Variants in CRIM1 observed in about 807,000 individuals in gnomAD.
CRIM1 encodes cysteine rich transmembrane BMP regulator 1, also known as cysteine-rich motor neuron 1 protein.
In CRIM1, 32 loss-of-function variants were observed where a neutral mutation model predicts 116.4. That is an observed-to-expected ratio of 0.27 (90% CI 0.21 to 0.37). The LOEUF is 0.37. Ranked by LOEUF, CRIM1 falls within the 10% of genes least tolerant of loss-of-function variation. CRIM1 has a pLI of 1.00. For missense variants in CRIM1, 1,331 were observed against 1,354.8 expected (o/e 0.98, Z 0.28); for synonymous variants, 590 against 509.2 (o/e 1.16, Z -2.13).
intron 8 of CRIM1, 50 bp downstream of exon 8, chr2:36,499,397 G>T (rs1314904282): frequency 1.3e-6 from 2 of 1,549,140 alleles, no homozygotes; most frequent in Non-Finnish European, 1.8e-6. Flanking sequence ...ATATGATATT[G>T]TCAAAGCATA....
At chr2:36,491,029 C>A (rs115477353) in intron 7 of CRIM1, among the ~76,000 whole-genome samples, 32 of 152,314 alleles carry the variant, frequency 2.1e-4, no homozygotes, top group African/African-American at 7.7e-4. Context: ...CATAACTTCA[C>A]GCAGTAGAAG....
chr2:36,489,525 T>A (rs187208392), intron 7 of CRIM1, among the ~76,000 whole-genome samples: 8 of 152,312 alleles, frequency 5.3e-5, no homozygotes, highest in Admixed American at 3.3e-4. Context: ...CATAGTCCTG[T>A]GACAGAGATA....
At chr2:36,493,462 A>C (rs886882700) in intron 7 of CRIM1, among the ~76,000 whole-genome samples, 3 of 152,204 alleles carry the variant, frequency 2.0e-5, no homozygotes, top group Admixed American at 6.5e-5. Flanking sequence ...CCTAGAGACC[A>C]TCAGAATCTG....
intron 1 of CRIM1, among the ~76,000 whole-genome samples, chr2:36,388,366 T>C (rs951984815): frequency 3.3e-5 from 5 of 152,242 alleles, no homozygotes; most frequent in African/African-American, 4.8e-5. Context: ...ATTGGTCTGA[T>C]AATGGAACAT....
intron 14 of CRIM1, among the ~76,000 whole-genome samples, chr2:36,540,156 T>G (rs1666850035): frequency 6.6e-6 from 1 of 152,104 alleles, no homozygotes; most frequent in Non-Finnish European, 1.5e-5. Flanking sequence ...AGTAAACTGC[T>G]CAATCAAGCG....
At chr2:36,367,353 A>G (rs1222882676) in intron 1 of CRIM1, among the ~76,000 whole-genome samples, 1 of 152,222 alleles carries the variant, frequency 6.6e-6, no homozygotes, top group Non-Finnish European at 1.5e-5. Context: ...CTGCCCAGAA[A>G]GGTGAATATT....
rs147375635 is a variant in CRIM1, at chr2:36,525,406, A to G, written c.2428+3093A>G. On this transcript the variant is annotated intron_variant, in intron 13 of 16. Transcript: ENST00000280527. ...CTTCCAGTCAGCTTGGTCCCTATAT[A>G]AGGGTGCCAAGCCTGGCCAGCACAA... 5.2e-3 allele frequency among the ~76,000 whole-genome samples: 793 copies of G among 152,310 alleles called. 5 individuals are homozygous for G. Among genetic ancestry groups the G allele is most frequent in the African/African-American group, 0.018 (767 of 41,554 alleles).
chr2:36,431,241 G>A (rs1674866300), intron 2 of CRIM1, among the ~76,000 whole-genome samples: 1 of 152,054 alleles, frequency 6.6e-6, no homozygotes, highest in South Asian at 2.1e-4. Context: ...CTGTGTGTGT[G>A]TATATGTATA....
chr2:36,359,958 A>G (rs1164603782), intron 1 of CRIM1, among the ~76,000 whole-genome samples: 1 of 152,204 alleles, frequency 6.6e-6, no homozygotes, highest in African/African-American at 2.4e-5. Context: ...CCTCCAGGAA[A>G]ATCACCTAGA....
At chr2:36,415,836 C>T (rs1246237792) in intron 2 of CRIM1, among the ~76,000 whole-genome samples, 1 of 152,164 alleles carries the variant, frequency 6.6e-6, no homozygotes, top group Non-Finnish European at 1.5e-5. Flanking sequence ...TTCCTGTGTG[C>T]CTGCCAATAT....
intron 2 of CRIM1, among the ~76,000 whole-genome samples, chr2:36,405,264 C>T (rs543394853): frequency 4.1e-4 from 63 of 152,230 alleles, no homozygotes; most frequent in Middle Eastern, 6.8e-3. Context: ...GCATTCATGC[C>T]GCCTTTGAAA....
chr2:36,412,019 A>T lies in CRIM1; in HGVS notation c.505+15232A>T, dbSNP rs115435762. 2.1e-3 allele frequency among the ~76,000 whole-genome samples: 324 copies of T among 152,176 alleles called. 1 individual carries two copies. The highest frequency in any genetic ancestry group is 6.8e-3 in the Middle Eastern group (2 of 294). On this transcript the variant is annotated intron_variant, in intron 2 of 16. Coordinates refer to ENST00000280527, the MANE Select transcript of CRIM1 (RefSeq NM_016441.3). ...CCCGCACACTAGTGAAGCTGACCCTATTGAATTCAAAGGAAATATGAGAGA... is the reference window on the plus strand; with the variant it reads ...CCCGCACACTAGTGAAGCTGACCCTTTTGAATTCAAAGGAAATATGAGAGA...
Position 36,356,198 on chromosome 2 carries a change from G to A in CRIM1, c.-95G>A. The A allele has an allele frequency of 2.4e-6, 1 of 417,400 alleles. No individual in the cohort carries two copies. Among genetic ancestry groups the A allele is most frequent in the East Asian group, 6.8e-5 (1 of 14,604 alleles). The allele number at this position is 417,400 out of a possible 1,614,324, so 25.9% of individuals were successfully genotyped here. On this transcript the variant is annotated 5_prime_UTR_variant, in exon 1 of 17. In the 5' UTR this introduces an upstream ATG that the reference lacks. Transcript: ENST00000280527. This position sits in a 1 kb window ranked among gnomAD's most constrained non-coding sequence, Gnocchi z 4.3. ...GGGCGGTGAGGACCGCGGGCTGCTG[G>A]TGCGGCGGCGGCGGCGCGTGTGCCC...
At chr2:36,414,114 A>G (rs1051068236) in intron 2 of CRIM1, among the ~76,000 whole-genome samples, 25 of 152,302 alleles carry the variant, frequency 1.6e-4, no homozygotes, top group South Asian at 1.2e-3. Context: ...GTTGGGTACC[A>G]TATGCCTTTC....
At chr2:36,445,496 A>C (rs1676169811) in intron 4 of CRIM1, among the ~76,000 whole-genome samples, 1 of 152,156 alleles carries the variant, frequency 6.6e-6, no homozygotes, top group Non-Finnish European at 1.5e-5. Flanking sequence ...CTATGCTGTC[A>C]GTTAATTATC....
chr2:36,503,117 T>TTGGGA (rs1260020925), intron 8 of CRIM1, among the ~76,000 whole-genome samples: 5 of 152,180 alleles, frequency 3.3e-5, no homozygotes, highest in African/African-American at 9.6e-5. Flanking sequence ...AGCCACACCT[T>TTGGGA]TGGGATGTCA....
chr2:36,444,374 G>A (rs1345823668), intron 4 of CRIM1, among the ~76,000 whole-genome samples: 1 of 151,996 alleles, frequency 6.6e-6, no homozygotes, highest in East Asian at 2.0e-4. Context: ...GGCAGACAGA[G>A]CTCCTTGGAG....
At chr2:36,516,391 G>T (rs890952806) in intron 11 of CRIM1, among the ~76,000 whole-genome samples, 3 of 152,134 alleles carry the variant, frequency 2.0e-5, no homozygotes, top group Non-Finnish European at 4.4e-5. Flanking sequence ...TTTGGATTAC[G>T]TGACTATGGT....
intron 8 of CRIM1, 162 bp downstream of exon 8, chr2:36,499,509 A>G (rs1477957657): frequency 3.1e-6 from 2 of 650,898 alleles, no homozygotes; most frequent in African/African-American, 1.9e-5. Flanking sequence ...ATACATAGTC[A>G]TTTGGGAGAA....
Sources: gnomAD v4.1 joint callset for allele counts (sites outside exome capture counted in the v4.1 genomes callset) on GRCh38, gnomAD v4.1.1 for gene constraint, Gnocchi (gnomAD v3.1) non-coding constraint, MANE v1.5 for transcripts, NCBI Gene and HGNC (gene_info 2026-07-23, HGNC 2026-07-21) for gene names.